GP5: variants seen among roughly 807,000 people sequenced by gnomAD.
The protein encoded by GP5 is platelet glycoprotein V.
For missense variants in GP5, 755 were observed against 737.1 expected (o/e 1.02, Z -0.28); for synonymous variants, 382 against 353.9 (o/e 1.08, Z -0.89).
In GP5 at chr3:194,396,810, A is replaced by C. The variant is rs1246183948; in HGVS notation, c.1473T>G (p.Pro491=). The change falls in exon 2 of 2, where the codon CCT becomes CCG. Residue 491 remains proline (P), a synonymous_variant. Coordinates refer to ENST00000692618, the MANE Select transcript of GP5 (RefSeq NM_004488.2). ...TGTTGGGAGCCAAGGCTGGGTGGAC[A>C]GGGGCTTCCGAGGAGCTGTCCGCAG... ...RPAADSSSEA[P]VHPALAPNSS... 3 of 1,606,720 alleles carry C rather than the reference A, an allele frequency of 1.9e-6. No homozygotes were observed. The African/African-American group carries it at 4.0e-5, about 22-fold the overall frequency.
In GP5 at chr3:194,396,309, C is replaced by A; in HGVS notation, c.*291G>T. On this transcript the variant is annotated 3_prime_UTR_variant, in exon 2 of 2. Transcript: ENST00000692618. ...TCCAGCGCCCCCGGCAGTGTCAGCG[C>A]ACACCCGCGTGGGAGCTGGGGAAGG... The A allele has an allele frequency of 3.0e-6, 1 of 336,568 alleles. No individual in the cohort carries two copies. 20.8% of individuals were successfully genotyped at this position (336,568 alleles called of 1,614,324 possible). A position where few individuals can be genotyped will look rare whatever the true frequency, so the allele number is the denominator to read the frequency against.
Position 194,396,729 on chromosome 3 carries a change from A to C in GP5, c.1554T>G (p.His518Gln). The change falls in exon 2 of 2, where the codon CAT becomes CAG. Residue 518 changes from histidine to glutamine, a missense_variant. By Grantham distance (24) the His-to-Gln change is conservative. Transcript: ENST00000692618. ...GAAAATAAAACCCCCAGAACGGACT[A>C]TGATCTTGACCTTTGCCCGTGGTCA... Reference protein sequence around the residue: ...QPVTTGKGQDHSPFWGFYFLL... With the variant: ...QPVTTGKGQDQSPFWGFYFLL... 6.2e-7 allele frequency: 1 copy of C among 1,614,128 alleles called. No individual in the cohort carries two copies. Among genetic ancestry groups the C allele is most frequent in the Non-Finnish European group, 8.5e-7 (1 of 1,179,982 alleles).
chr3:194,394,851 G>A lies in GP5; in HGVS notation c.*1749C>T, dbSNP rs1714415952. 1 of 152,234 alleles carries A rather than the reference G, an allele frequency of 6.6e-6. No individual in the cohort carries two copies. The allele number at this position is 152,234 out of a possible 1,614,324, so 9.4% of individuals were successfully genotyped here. On this transcript the variant is annotated 3_prime_UTR_variant, in exon 2 of 2. Coordinates refer to ENST00000692618, the MANE Select transcript of GP5 (RefSeq NM_004488.2). ...CATTGCTCTGGATTGTGAGCACAGA[G>A]TCTGGCCACCCAGGGCTGAGGCCAT...
chr3:194,398,328 T>C (rs1714523555), intron 1 of GP5, 44 bp from the exon 2 acceptor site: 17 of 1,518,020 alleles, frequency 1.1e-5, no homozygotes, highest in Non-Finnish European at 1.5e-5. Context: ...ACAGGAGCGT[T>C]CGCGCCTGTA....
Position 194,396,953 on chromosome 3 carries a change from C to G in GP5, c.1330G>C (p.Gly444Arg), listed in dbSNP as rs1273925362. 6.5e-7 allele frequency: 1 copy of G among 1,548,706 alleles called. No individual in the cohort carries two copies. The highest frequency in any genetic ancestry group is 1.4e-5 in the African/African-American group (1 of 73,382). ...GWLRQHLGLV[G>R]GEEPPRCAGP... The stretch of plus-strand genomic sequence containing the variant: ...GCGCACCGTGGGGGCTCTTCCCCGC[C>G]CACGAGGCCTAGGTGCTGCCGCAGC... Residue 444 changes from glycine (G) to arginine (R), a missense_variant, in exon 2 of 2, where the codon GGC becomes CGC. By Grantham distance (125) the Gly-to-Arg change is moderately radical. Coordinates refer to ENST00000692618, the MANE Select transcript of GP5 (RefSeq NM_004488.2).
Position 194,397,660 on chromosome 3 carries a change from G to A in GP5, c.623C>T (p.Ser208Phe), listed in dbSNP as rs1714502536. ...RLLLHSNRLV[S>F]LDSGLLNSLG... Reference sequence around the variant, plus strand: ...GCTGTTCAACAGCCCCGAATCCAGAGACACAAGGCGGTTCGAGTGGAGCAG... The same window carrying A: ...GCTGTTCAACAGCCCCGAATCCAGAAACACAAGGCGGTTCGAGTGGAGCAG... Residue 208 changes from serine (S) to phenylalanine (F), a missense_variant, in exon 2 of 2, where the codon TCT (serine) becomes TTT (phenylalanine). By Grantham distance (155) the Ser-to-Phe change is radical. Coordinates refer to ENST00000692618, the MANE Select transcript of GP5 (RefSeq NM_004488.2). The surrounding 1 kb of genome is among the most constrained non-coding windows in gnomAD (Gnocchi z 7.2). 2 of 1,614,072 alleles carry A rather than the reference G, an allele frequency of 1.2e-6. No individual in the cohort carries two copies. Among genetic ancestry groups the A allele is most frequent in the Non-Finnish European group, 1.7e-6 (2 of 1,180,022 alleles).
rs757110853 is a variant in GP5 at position 194,396,882 on chromosome 3, C to A, written c.1401G>T (p.Gly467=). The A allele has an allele frequency of 7.8e-6, 12 of 1,543,050 alleles. No homozygotes were observed. In the East Asian group the frequency reaches 2.8e-4, roughly 36 times the overall value. ...GGGGGCCCGGGCACTCCGCGTCACC[C>A]CCCGGCAGGGCCCAGAGCGGCAGGC... The part of the protein sequence containing the change: ...HAGLPLWALP[G]GDAECPGPRG... Residue 467 remains glycine, a synonymous_variant, in exon 2 of 2, where the codon GGG becomes GGT. Transcript: ENST00000692618.
chr3:194,397,752 T>G lies in GP5; in HGVS notation c.531A>C (p.Leu177Phe). 3.1e-6 allele frequency: 5 copies of G among 1,613,780 alleles called. No homozygotes were observed. Among genetic ancestry groups the G allele is most frequent in the Non-Finnish European group, 4.2e-6 (5 of 1,179,868 alleles). The stretch of plus-strand genomic sequence containing the variant: ...GCAGGTGGGTCAGGTTGTTTCCCGA[T>G]AAATCCAACAACTTCAGGTTCTCCA... ...TNLENLKLLD[L>F]SGNNLTHLPK... Residue 177 changes from leucine to phenylalanine, a missense_variant, in exon 2 of 2, where the codon TTA (leucine) becomes TTC (phenylalanine). By Grantham distance (22) the Leu-to-Phe change is conservative (BLOSUM62 0). Coordinates refer to ENST00000692618, the MANE Select transcript of GP5 (RefSeq NM_004488.2). The surrounding 1 kb of genome is among the most constrained non-coding windows in gnomAD (Gnocchi z 7.2).
chr3:194,395,127 T>C lies in GP5; in HGVS notation c.*1473A>G, dbSNP rs1315593083. On this transcript the variant is annotated 3_prime_UTR_variant, in exon 2 of 2. Transcript: ENST00000692618. Reference sequence around the variant, plus strand: ...AAAACTCTACGAAGCAGGTACTATGTTATCCTGTTTTAAGGTTCAGGAAAC... The same window carrying C: ...AAAACTCTACGAAGCAGGTACTATGCTATCCTGTTTTAAGGTTCAGGAAAC... 6.6e-6 allele frequency: 1 copy of C among 152,226 alleles called. No homozygotes were observed. The highest frequency in any genetic ancestry group is 1.5e-5 in the Non-Finnish European group (1 of 68,040). 9.4% of individuals were successfully genotyped at this position (152,226 alleles called of 1,614,324 possible). A position where few individuals can be genotyped will look rare whatever the true frequency, so the allele number is the denominator to read the frequency against.
rs1194973842 is a variant in GP5, at chr3:194,397,433, C to T, written c.850G>A (p.Val284Met). 1.2e-6 allele frequency: 2 copies of T among 1,613,078 alleles called. No individual in the cohort carries two copies. Among genetic ancestry groups the T allele is most frequent in the Admixed American group, 1.7e-5 (1 of 59,978 alleles). ...AGGCCCCCCATCTCCCCGAAGAGCACCCCCGGGAGCTCTGCCAGCGGGTTC... is the reference window on the plus strand; with the variant it reads ...AGGCCCCCCATCTCCCCGAAGAGCATCCCCGGGAGCTCTGCCAGCGGGTTC... ...FENPLAELPG[V>M]LFGEMGGLQE... is the part of the protein sequence containing the mutation. The change falls in exon 2 of 2, where the codon GTG becomes ATG. Residue 284 changes from valine (V) to methionine (M), a missense_variant. By Grantham distance (21) the Val-to-Met change is conservative. Coordinates refer to ENST00000692618, the MANE Select transcript of GP5 (RefSeq NM_004488.2). The surrounding 1 kb of genome is among the most constrained non-coding windows in gnomAD (Gnocchi z 7.2).
chr3:194,396,348 T>G lies in GP5; in HGVS notation c.*252A>C. ...AGCTGGGGAAGGCAGGCAACCACAG[T>G]TTACAAACGTCAAGCTCAGTTTCCA... On this transcript the variant is annotated 3_prime_UTR_variant, in exon 2 of 2. Coordinates refer to ENST00000692618, the MANE Select transcript of GP5 (RefSeq NM_004488.2). 4.9e-6 allele frequency: 2 copies of G among 411,086 alleles called. No homozygotes were observed. The highest frequency in any genetic ancestry group is 4.9e-5 in the South Asian group (1 of 20,440). 25.5% of individuals were successfully genotyped at this position (411,086 alleles called of 1,614,324 possible). A position where few individuals can be genotyped will look rare whatever the true frequency, so the allele number is the denominator to read the frequency against.
chr3:194,395,051 G>C lies in GP5; in HGVS notation c.*1549C>G, dbSNP rs1293101975. ...TAACATTCATTAACATGTATTGCCT[G>C]CAGGCCGCTGGGCTAAGTCATTATA... On this transcript the variant is annotated 3_prime_UTR_variant, in exon 2 of 2. Coordinates refer to ENST00000692618, the MANE Select transcript of GP5 (RefSeq NM_004488.2). 6.6e-6 allele frequency: 1 copy of C among 152,234 alleles called. No individual in the cohort carries two copies. The highest frequency in any genetic ancestry group is 6.5e-5 in the Admixed American group (1 of 15,284). The allele number at this position is 152,234 out of a possible 1,614,324, so 9.4% of individuals were successfully genotyped here.
At chr3:194,398,572 T>G (rs929074258) in intron 1 of GP5, among the ~76,000 whole-genome samples, 1 of 152,250 alleles carries the variant, frequency 6.6e-6, no homozygotes, top group Admixed American at 6.5e-5. Flanking sequence ...CATAGAGAAT[T>G]AAAATAATCA....
Position 194,396,273 on chromosome 3 carries a change from G to A in GP5, c.*327C>T. ...GCCAGGCACAGCGGAGCACGGATGG[G>A]TCCAACACAGTCCAGCGCCCCCGGC... On this transcript the variant is annotated 3_prime_UTR_variant, in exon 2 of 2. Transcript: ENST00000692618. 1 of 296,262 alleles carries A rather than the reference G, an allele frequency of 3.4e-6. No individual in the cohort carries two copies. The highest frequency in any genetic ancestry group is 6.6e-5 in the East Asian group (1 of 15,102). The allele number at this position is 296,262 out of a possible 1,614,324, so 18.4% of individuals were successfully genotyped here. A position where few individuals can be genotyped will look rare whatever the true frequency, so the allele number is the denominator to read the frequency against.
intron 1 of GP5, among the ~76,000 whole-genome samples, chr3:194,398,628 G>GA (rs1261860432): frequency 6.6e-6 from 1 of 152,188 alleles, no homozygotes; most frequent in Non-Finnish European, 1.5e-5. Context: ...TGTCCATTGT[G>GA]AAAACGGCTC....
Position 194,397,237 on chromosome 3 carries a change from T to C in GP5, c.1046A>G (p.Asn349Ser), listed in dbSNP as rs969033237. The change falls in exon 2 of 2, where the codon AAC becomes AGC. Residue 349 changes from asparagine (N) to serine (S), a missense_variant. Coordinates refer to ENST00000692618, the MANE Select transcript of GP5 (RefSeq NM_004488.2). This position sits in a 1 kb window ranked among gnomAD's most constrained non-coding sequence, Gnocchi z 7.2. ...GCCGTCGGGGAGGGCGGTCAGGCCG[T>C]TGGAGTGCAGGGCGAGCACCTGGAG... ...GELQVLALHS[N>S]GLTALPDGLL... The C allele has an allele frequency of 6.3e-6, 10 of 1,575,948 alleles. No homozygotes were observed. Among genetic ancestry groups the C allele is most frequent in the Non-Finnish European group, 6.0e-6 (7 of 1,169,204 alleles).
At chr3:194,398,849 G>C (rs1376678715) in intron 1 of GP5, among the ~76,000 whole-genome samples, 1 of 152,036 alleles carries the variant, frequency 6.6e-6, no homozygotes, top group Non-Finnish European at 1.5e-5. Flanking sequence ...ATCACTTTAC[G>C]CCATGCATTG....
Position 194,397,250 on chromosome 3 carries a change from C to A in GP5, c.1033G>T (p.Ala345Ser). ...GCGGTCAGGCCGTTGGAGTGCAGGG[C>A]GAGCACCTGGAGCTCGCCAAGGCCC... Reference protein sequence around the residue: ...FQGLGELQVLALHSNGLTALP... With the variant: ...FQGLGELQVLSLHSNGLTALP... Residue 345 changes from alanine to serine, a missense_variant, in exon 2 of 2, where the codon GCC (alanine) becomes TCC (serine). Physicochemically the swap from Ala to Ser is moderately conservative, Grantham distance 99. Coordinates refer to ENST00000692618, the MANE Select transcript of GP5 (RefSeq NM_004488.2). The surrounding 1 kb of genome is among the most constrained non-coding windows in gnomAD (Gnocchi z 7.2). 3 of 1,577,408 alleles carry A rather than the reference C, an allele frequency of 1.9e-6. No homozygotes were observed. The highest frequency in any genetic ancestry group is 2.6e-6 in the Non-Finnish European group (3 of 1,169,758).
In GP5 at chr3:194,395,720, C is replaced by T. The variant is rs1441109239; in HGVS notation, c.*880G>A. On this transcript the variant is annotated 3_prime_UTR_variant, in exon 2 of 2. Transcript: ENST00000692618. ...GGAAAAAATGGCAAGAGCTCTACTT[C>T]TCAAATAAAATTCGATGAAGAGGGC... 6.6e-6 allele frequency: 1 copy of T among 152,360 alleles called. No homozygotes were observed. The highest frequency in any genetic ancestry group is 1.9e-4 in the East Asian group (1 of 5,204). The allele number at this position is 152,360 out of a possible 1,614,324, so 9.4% of individuals were successfully genotyped here. A position where few individuals can be genotyped will look rare whatever the true frequency, so the allele number is the denominator to read the frequency against.
Sources: allele counts gnomAD v4.1 joint callset (sites outside exome capture counted in the v4.1 genomes callset), GRCh38; gene constraint gnomAD v4.1.1; non-coding constraint Gnocchi (gnomAD v3.1); transcripts MANE v1.5; gene names NCBI Gene and HGNC (gene_info 2026-07-23, HGNC 2026-07-21).